PRDM16: variants seen among roughly 807,000 people sequenced by gnomAD.
The protein encoded by PRDM16 is PR/SET domain 16, also known as histone-lysine N-methyltransferase PRDM16.
A neutral mutation model predicts 110.6 loss-of-function variants in PRDM16; 23 were observed. The ratio of observed to expected loss-of-function variants is 0.21; its 90% CI spans 0.15 to 0.29. The LOEUF is 0.29. Ranked by LOEUF, PRDM16 falls within the 10% of genes least tolerant of loss-of-function variation. PRDM16 has a pLI of 1.00. For synonymous variants in PRDM16, 799 were observed against 781.8 expected (o/e 1.02, Z -0.37); for missense variants, 1,615 against 1,794.3 (o/e 0.90, Z 1.81).
chr1:3,430,522 C>T (rs6702700), intron 14 of PRDM16, among the ~76,000 whole-genome samples: 3,071 of 152,330 alleles, frequency 0.02, 100 homozygotes, highest in African/African-American at 0.07. Context: ...ACTGCCCAAC[C>T]CCCGTGCCAG....
chr1:3,101,303 C>A (rs1449104677), intron 1 of PRDM16, among the ~76,000 whole-genome samples: 1 of 152,228 alleles, frequency 6.6e-6, no homozygotes, highest in Non-Finnish European at 1.5e-5. Flanking sequence ...GAGATGAGGG[C>A]CGCGAGGCAG....
chr1:3,367,065 C>G (rs537498156), intron 3 of PRDM16, among the ~76,000 whole-genome samples: 8 of 152,174 alleles, frequency 5.3e-5, no homozygotes, highest in Admixed American at 3.3e-4. Context: ...GTCAGGAGTT[C>G]GAGACCAGTC....
chr1:3,216,620 C>G (rs1639036729), intron 2 of PRDM16, among the ~76,000 whole-genome samples: 2 of 152,134 alleles, frequency 1.3e-5, no homozygotes, highest in Non-Finnish European at 2.9e-5. Context: ...GGTGGGCATC[C>G]TAGCAGGCTG....
At chr1:3,249,202 A>C (rs1422885988) in intron 3 of PRDM16, among the ~76,000 whole-genome samples, 1 of 43,114 alleles carries the variant, frequency 2.3e-5, no homozygotes, top group African/African-American at 8.8e-5. Flanking sequence ...AGGAGGCTGG[A>C]GGGCTGGGGA....
intron 2 of PRDM16, among the ~76,000 whole-genome samples, chr1:3,212,205 C>T (rs1378559108): frequency 6.6e-6 from 1 of 152,162 alleles, no homozygotes; most frequent in Non-Finnish European, 1.5e-5. Flanking sequence ...CGCACAAAGC[C>T]CAAAAGAGCA....
intron 3 of PRDM16, among the ~76,000 whole-genome samples, chr1:3,325,511 T>A (rs1251339289): frequency 6.6e-6 from 1 of 152,208 alleles, no homozygotes; most frequent in Admixed American, 6.5e-5. Flanking sequence ...CAGATGGGTG[T>A]CCCAGCAGGG....
chr1:3,145,988 G>A (rs550582938), intron 1 of PRDM16, among the ~76,000 whole-genome samples: 9 of 152,178 alleles, frequency 5.9e-5, no homozygotes, highest in East Asian at 1.9e-4. Context: ...GGACTCACAC[G>A]CCTCACCGCG....
intron 1 of PRDM16, among the ~76,000 whole-genome samples, chr1:3,086,542 T>C (rs1174473650): frequency 6.6e-6 from 1 of 152,086 alleles, no homozygotes; most frequent in Admixed American, 6.5e-5. Flanking sequence ...TCTGGCCTCC[T>C]CCCGCCGGGC....
At chr1:3,306,266 C>T (rs1002099566) in intron 3 of PRDM16, among the ~76,000 whole-genome samples, 1 of 152,240 alleles carries the variant, frequency 6.6e-6, no homozygotes, top group African/African-American at 2.4e-5. Flanking sequence ...GTGCTGGGGA[C>T]ATCACAGCAT....
At chr1:3,146,979 GGT>G (rs1388855650) in intron 1 of PRDM16, among the ~76,000 whole-genome samples, 4 of 123,058 alleles carry the variant, frequency 3.3e-5, no homozygotes, top group Non-Finnish European at 6.5e-5. Flanking sequence ...CTCGGTGTGG[GGT>G]GTGTGTGCAT....
intron 8 of PRDM16, among the ~76,000 whole-genome samples, chr1:3,409,914 GGTGT>G (rs34133894): frequency 2.4e-5 from 3 of 127,278 alleles, no homozygotes; most frequent in Non-Finnish European, 4.8e-5. Flanking sequence ...TTGTGGGTGT[GGTGT>G]GTGTGTATGT....
At chr1:3,072,273 A>G (rs1310353455) in intron 1 of PRDM16, among the ~76,000 whole-genome samples, 2 of 152,194 alleles carry the variant, frequency 1.3e-5, no homozygotes, top group East Asian at 3.8e-4. Flanking sequence ...TAGCACCACC[A>G]AGGTGCTCTC....
intron 4 of PRDM16, among the ~76,000 whole-genome samples, chr1:3,388,768 A>T (rs1643244703): frequency 6.6e-6 from 1 of 152,112 alleles, no homozygotes; most frequent in South Asian, 2.1e-4. Flanking sequence ...TTGGGGTGAG[A>T]CCCACACTTT....
intron 1 of PRDM16, among the ~76,000 whole-genome samples, chr1:3,126,524 G>A (rs1265785397): frequency 1.3e-5 from 2 of 152,172 alleles, no homozygotes; most frequent in East Asian, 1.9e-4. Flanking sequence ...ACCCTGCTGC[G>A]GTTCCTGGAA....
chr1:3,433,513 CG>C (rs1638825643), intron 16 of PRDM16, among the ~76,000 whole-genome samples, 163 bp from the exon 17 acceptor site: 13 of 143,990 alleles, frequency 9.0e-5, no homozygotes, highest in Non-Finnish European at 2.0e-4. Flanking sequence ...GCCCTGCCCA[CG>C]CGCTCACCTG....
chr1:3,083,413 C>G (rs535047961), intron 1 of PRDM16, among the ~76,000 whole-genome samples: 5 of 152,344 alleles, frequency 3.3e-5, no homozygotes. Context: ...GCGGGCAGAT[C>G]GTCCTGGGGC....
chr1:3,159,535 A>G (rs1208277990), intron 1 of PRDM16, among the ~76,000 whole-genome samples: 1 of 152,192 alleles, frequency 6.6e-6, no homozygotes. Context: ...GGCCCACCCT[A>G]GTGACCTCAC....
At chr1:3,173,454 G>A (rs570391058) in intron 1 of PRDM16, among the ~76,000 whole-genome samples, 5 of 152,242 alleles carry the variant, frequency 3.3e-5, no homozygotes, top group Admixed American at 6.5e-5. Context: ...ATAATGCATC[G>A]GCTTTAGGTA....
intron 5 of PRDM16, among the ~76,000 whole-genome samples, chr1:3,399,310 G>A (rs1009409044): frequency 6.6e-6 from 1 of 152,192 alleles, no homozygotes; most frequent in African/African-American, 2.4e-5. Context: ...AATAAGATGG[G>A]AAACATTATC....
Sources: gnomAD v4.1 joint callset for allele counts (sites outside exome capture counted in the v4.1 genomes callset) on GRCh38, gnomAD v4.1.1 for gene constraint, MANE v1.5 for transcripts, NCBI Gene and HGNC (gene_info 2026-07-23, HGNC 2026-07-21) for gene names.